DYNC1H1: variants seen among roughly 807,000 people sequenced by gnomAD.
The protein encoded by DYNC1H1 is cytoplasmic dynein 1 heavy chain 1.
Under a neutral mutation model 527.1 loss-of-function variants are expected in DYNC1H1, and 51 were observed. That is an observed-to-expected ratio of 0.10 (90% confidence interval 0.08 to 0.12). The LOEUF (loss-of-function observed/expected upper bound fraction) is 0.12. Ranked by LOEUF, DYNC1H1 falls within the 10% of genes least tolerant of loss-of-function variation. The pLI, the probability that DYNC1H1 is intolerant of heterozygous loss-of-function variation, is 1.00. For missense variants in DYNC1H1, 2,771 were observed against 5,971.8 expected (o/e 0.46, Z 17.66); for synonymous variants, 2,189 against 2,278.8 (o/e 0.96, Z 1.12).
Position 101,985,643 on chromosome 14 carries a change from T to C in DYNC1H1, c.1462-44T>C. 1 of 1,610,390 alleles carries C rather than the reference T, an allele frequency of 6.2e-7. No homozygotes were observed. The highest frequency in any genetic ancestry group is 8.5e-7 in the Non-Finnish European group (1 of 1,176,638). On this transcript the variant is annotated intron_variant, in intron 7 of 77. Transcript: ENST00000360184. This position sits in a 1 kb window ranked among gnomAD's most constrained non-coding sequence, Gnocchi z 5.9. ...CCGGCTTAAAATAAATTTTAAAGCC[T>C]TCGTTTGGTCAGCATTTCTTGATTA...
chr14:102,004,465 A>G lies in DYNC1H1; in HGVS notation c.4884-53A>G, dbSNP rs1357817941. The G allele has an allele frequency of 7.8e-6, 12 of 1,542,038 alleles. No homozygotes were observed. In the African/African-American group the frequency reaches 1.1e-4, roughly 14 times the overall value. The stretch of plus-strand genomic sequence containing the variant: ...GCAGTTTGAAATCTTACCTTGATTC[A>G]CCTTATATGTGTATATAATATTTTT... On this transcript the variant is annotated intron_variant, in intron 23 of 77. Coordinates refer to ENST00000360184, the MANE Select transcript of DYNC1H1 (RefSeq NM_001376.5).
chr14:102,037,445 CAA>C (rs1218950013), intron 57 of DYNC1H1: 1 of 142,924 alleles, frequency 7.0e-6, no homozygotes, highest in Admixed American at 7.0e-5. Flanking sequence ...AAAAAAAGAA[CAA>C]GAAAAATGTT....
chr14:102,006,973 T>C (rs755278638), intron 27 of DYNC1H1, 35 bp from the exon 28 acceptor site: 2 of 1,602,038 alleles, frequency 1.2e-6, no homozygotes, highest in East Asian at 2.2e-5. Flanking sequence ...AGTTAGGTAA[T>C]GGACTCAAGC....
Position 101,964,799 on chromosome 14 carries a change from G to C in DYNC1H1, c.108G>C (p.Lys36Asn). The stretch of plus-strand genomic sequence containing the variant: ...CGGTGCTGCAGAAGCACCTGCGCAA[G>C]CTGGTGCCGCTGCTGCTGGAGGACG... ...DVSVLQKHLR[K>N]LVPLLLEDGG... Residue 36 changes from lysine (K) to asparagine (N), a missense_variant, in exon 1 of 78, where the codon AAG becomes AAC. Lys to Asn is a moderately conservative substitution (Grantham distance 94). This residue lies in a region of DYNC1H1 where 101 missense variants were observed against 105.3 expected (regional missense o/e 0.96). Transcript: ENST00000360184. The surrounding 1 kb of genome is among the most constrained non-coding windows in gnomAD (Gnocchi z 5.5). 1 of 1,603,658 alleles carries C rather than the reference G, an allele frequency of 6.2e-7. No individual in the cohort carries two copies.
Position 102,020,157 on chromosome 14 carries a change from G to A in DYNC1H1, c.8507+101G>A. ...TTGCAGGGGTGGTCTGCCTAAGTTA[G>A]AGCCAGGTGGTGCCAGTGGTGGAAG... On this transcript the variant is annotated intron_variant, in intron 42 of 77. Coordinates refer to ENST00000360184, the MANE Select transcript of DYNC1H1 (RefSeq NM_001376.5). The surrounding 1 kb of genome is among the most constrained non-coding windows in gnomAD (Gnocchi z 4.3). 2.7e-6 allele frequency: 4 copies of A among 1,495,412 alleles called. No homozygotes were observed. The highest frequency in any genetic ancestry group is 3.6e-6 in the Non-Finnish European group (4 of 1,100,118). The allele number at this position is 1,495,412 out of a possible 1,614,324, so 92.6% of individuals were successfully genotyped here.
At position 102,042,027 on chromosome 14, in the gene DYNC1H1, T is replaced by C. The variant is rs368830742; in HGVS notation, c.12117T>C (p.Thr4039=). 1.9e-6 allele frequency: 3 copies of C among 1,613,976 alleles called. No individual in the cohort carries two copies. In the African/African-American group the frequency reaches 4.0e-5, roughly 22 times the overall value. ...HIVGTEVKPN[T]PVLMCSVPGY... Reference sequence around the variant, plus strand: ...TTTGTTTGCAGGTGAAGCCCAACACTCCTGTCTTAATGTGCTCTGTGCCTG... The same window carrying C: ...TTTGTTTGCAGGTGAAGCCCAACACCCCTGTCTTAATGTGCTCTGTGCCTG... The change falls in exon 66 of 78, where the codon ACT becomes ACC. Residue 4039 remains threonine (T), a synonymous_variant. Coordinates refer to ENST00000360184, the MANE Select transcript of DYNC1H1 (RefSeq NM_001376.5). This position sits in a 1 kb window ranked among gnomAD's most constrained non-coding sequence, Gnocchi z 5.7.
intron 73 of DYNC1H1, 200 bp downstream of exon 73, chr14:102,048,228 C>G (rs954036513): frequency 1.3e-6 from 1 of 761,164 alleles, no homozygotes; most frequent in African/African-American, 1.8e-5. Flanking sequence ...CTGAAAACAC[C>G]CTAGAAGATT....
intron 7 of DYNC1H1, among the ~76,000 whole-genome samples, chr14:101,984,450 ATTTTTTT>A (rs34383305): frequency 1.4e-5 from 1 of 69,968 alleles, no homozygotes; most frequent in Non-Finnish European, 2.6e-5. Flanking sequence ...TATATATTAT[ATTTTTTT>A]TTTTTTTTTT....
At chr14:102,048,897 C>A in intron 74 of DYNC1H1, 1 of 598,778 alleles carries the variant, frequency 1.7e-6, no homozygotes, top group Non-Finnish European at 2.9e-6. Context: ...TGACCAAAAT[C>A]TTTACACAAC....
At position 102,027,073 on chromosome 14, in the gene DYNC1H1, A is replaced by C; in HGVS notation, c.8772-101A>C. The C allele has an allele frequency of 7.5e-7, 1 of 1,328,094 alleles. No individual in the cohort carries two copies. Among genetic ancestry groups the C allele is most frequent in the Non-Finnish European group, 1.1e-6 (1 of 921,818 alleles). The allele number at this position is 1,328,094 out of a possible 1,614,324, so 82.3% of individuals were successfully genotyped here. On this transcript the variant is annotated intron_variant, in intron 44 of 77. Coordinates refer to ENST00000360184, the MANE Select transcript of DYNC1H1 (RefSeq NM_001376.5). This position sits in a 1 kb window ranked among gnomAD's most constrained non-coding sequence, Gnocchi z 7.7. ...CAGCAAATGTTTAATATACAAGTTC[A>C]AGTTAAAACATGTCCAAAATACTGT...
Position 102,002,108 on chromosome 14 carries a change from G to A in DYNC1H1, c.4542+427G>A, listed in dbSNP as rs866761287. ...TTTTTGTTTGTTTGCTTGCTTTTTT[G>A]TTTTTTTTTTTTCTTTTTTTGAGAT... On this transcript the variant is annotated intron_variant, in intron 21 of 77. Coordinates refer to ENST00000360184, the MANE Select transcript of DYNC1H1 (RefSeq NM_001376.5). The surrounding 1 kb of genome is among the most constrained non-coding windows in gnomAD (Gnocchi z 4.4). Among the ~76,000 whole-genome samples the A allele has an allele frequency of 7.1e-6, 1 of 141,624 alleles. No individual in the cohort carries two copies. Among genetic ancestry groups the A allele is most frequent in the Non-Finnish European group, 1.6e-5 (1 of 64,300 alleles). 92.9% of individuals were successfully genotyped at this position (141,624 alleles called of 152,430 possible).
In DYNC1H1 at chr14:102,002,590, T is replaced by A. The variant is rs770043239; in HGVS notation, c.4596T>A (p.Ala1532=). The change falls in exon 22 of 78, where the codon GCT becomes GCA. Residue 1532 remains alanine (A), a synonymous_variant. Coordinates refer to ENST00000360184, the MANE Select transcript of DYNC1H1 (RefSeq NM_001376.5). This position sits in a 1 kb window ranked among gnomAD's most constrained non-coding sequence, Gnocchi z 4.4. ...SWEDKLNRIM[A]LFDVWIDVQR... Reference sequence around the variant, plus strand: ...AAGATAAGCTGAACAGGATCATGGCTCTCTTTGATGTGTGGATTGATGTGC... The same window carrying A: ...AAGATAAGCTGAACAGGATCATGGCACTCTTTGATGTGTGGATTGATGTGC... The A allele has an allele frequency of 6.2e-7, 1 of 1,614,202 alleles. No individual in the cohort carries two copies. Among genetic ancestry groups the A allele is most frequent in the South Asian group, 1.1e-5 (1 of 91,088 alleles).
rs932159173 is a variant in DYNC1H1 at position 101,979,058 on chromosome 14, A to T, written c.345-261A>T. ...AAGATCAGATTTAAGTACTACTTATATTTCTAGGGCAGGTTAGTTTTAGGC... is the reference window on the plus strand; with the variant it reads ...AAGATCAGATTTAAGTACTACTTATTTTTCTAGGGCAGGTTAGTTTTAGGC... On this transcript the variant is annotated intron_variant, in intron 2 of 77. Transcript: ENST00000360184. This position sits in a 1 kb window ranked among gnomAD's most constrained non-coding sequence, Gnocchi z 4.6. Among the ~76,000 whole-genome samples the T allele has an allele frequency of 6.6e-6, 1 of 152,200 alleles. No individual in the cohort carries two copies. Among genetic ancestry groups the T allele is most frequent in the South Asian group, 2.1e-4 (1 of 4,834 alleles).
In DYNC1H1 at chr14:102,050,511, A is replaced by G; in HGVS notation, c.13889A>G (p.Glu4630Gly). The G allele has an allele frequency of 6.2e-7, 1 of 1,614,198 alleles. No individual in the cohort carries two copies. The highest frequency in any genetic ancestry group is 8.5e-7 in the Non-Finnish European group (1 of 1,180,042). ...GTGGACTTCGAAATTGCTACAAAGG[A>G]GGATCCTCGCAGCTTCTACGAGCGG... ...FTVDFEIATK[E>G]DPRSFYERGV... Residue 4630 changes from glutamate to glycine, a missense_variant, in exon 78 of 78, where the codon GAG (glutamate) becomes GGG (glycine). Around this residue, in one of 32 missense-constraint regions of DYNC1H1, gnomAD observed 106 missense variants for 139.2 expected, o/e 0.76. Transcript: ENST00000360184.
intron 13 of DYNC1H1, 38 bp downstream of exon 13, chr14:101,994,887 G>A: frequency 6.2e-7 from 1 of 1,614,112 alleles, no homozygotes; most frequent in East Asian, 2.2e-5. Flanking sequence ...GTCACGGGTA[G>A]TGTAAAAGCA....
Position 101,979,622 on chromosome 14 carries a change from AAT to A in DYNC1H1, c.519-94_519-93del. On this transcript the variant is annotated intron_variant, in intron 3 of 77. Transcript: ENST00000360184. This position sits in a 1 kb window ranked among gnomAD's most constrained non-coding sequence, Gnocchi z 4.6. ...GGGATATAAACCCTGTGTATTAATA[AAT>A]ATGTGTGTCATTACTATTTGACAGA... 6.2e-7 allele frequency: 1 copy of A among 1,607,536 alleles called. No individual in the cohort carries two copies. The highest frequency in any genetic ancestry group is 8.5e-7 in the Non-Finnish European group (1 of 1,176,164).
At chr14:102,043,695 C>G (rs901573298) in intron 69 of DYNC1H1, 180 bp from the exon 70 acceptor site, 2 of 715,756 alleles carry the variant, frequency 2.8e-6, no homozygotes, top group Non-Finnish European at 4.8e-6. Context: ...CATTGGATGA[C>G]ACGTCTATTA....
chr14:101,977,991 A>T (rs1217795776), intron 2 of DYNC1H1, among the ~76,000 whole-genome samples: 1 of 152,186 alleles, frequency 6.6e-6, no homozygotes, highest in Admixed American at 6.5e-5. Flanking sequence ...GGCTCAAGCG[A>T]TCCTCCTGCC....
At chr14:101,988,577 G>T (rs535974531) in intron 9 of DYNC1H1, 126 bp from the exon 10 acceptor site, 27 of 1,210,616 alleles carry the variant, frequency 2.2e-5, no homozygotes, top group Non-Finnish European at 3.2e-5. Context: ...TGAGAAGAGA[G>T]ATATGAAGGC....
Sources: allele counts gnomAD v4.1 joint callset (sites outside exome capture counted in the v4.1 genomes callset), GRCh38; gene constraint gnomAD v4.1.1; regional missense constraint gnomAD v4.1.1; non-coding constraint Gnocchi (gnomAD v3.1); transcripts MANE v1.5; gene names NCBI Gene and HGNC (gene_info 2026-07-23, HGNC 2026-07-21).